Variants in COL26A1 observed in about 807,000 individuals in gnomAD.
The protein encoded by COL26A1 is collagen alpha-1(XXVI) chain.
In COL26A1, 41 loss-of-function variants were observed where a neutral mutation model predicts 59.3. The observed-to-expected ratio is 0.69, with a 90% CI of 0.54 to 0.90. The LOEUF is 0.90. COL26A1 is among the 40% of genes least tolerant of loss of function. COL26A1 has a pLI of 0.00. For synonymous variants in COL26A1, 266 were observed against 256.0 expected, an observed-to-expected ratio of 1.04 and a Z score of -0.37; for missense variants, 612 against 602.3, an observed-to-expected ratio of 1.02 and a Z score of -0.17.
intron 3 of COL26A1, among the ~76,000 whole-genome samples, chr7:101,451,645 A>G (rs910671944): frequency 1.5e-4 from 23 of 150,990 alleles, no homozygotes; most frequent in African/African-American, 5.6e-4. Context: ...GGTTGAGCCT[A>G]TGGGGTAGTA....
chr7:101,512,996 T>TTTATTATTATTA lies in COL26A1; in HGVS notation c.386-20071_386-20060dup, dbSNP rs60374143. Reference sequence around the variant, plus strand: ...CATTAAAAGCCTCCCTTTTTACAATTTTATTATTATTATTATTATTATTAT... The same window carrying TTTATTATTATTA: ...CATTAAAAGCCTCCCTTTTTACAATTTTATTATTATTATTATTATTATTATTATTATTATTAT... On this transcript the variant is annotated intron_variant, in intron 3 of 12. Transcript: ENST00000313669. Among the ~76,000 whole-genome samples, 66 of 149,500 alleles carry TTTATTATTATTA rather than the reference T, an allele frequency of 4.4e-4. 1 individual carries two copies. The highest frequency in any genetic ancestry group is 1.3e-3 in the Admixed American group (20 of 14,990).
chr7:101,464,848 A>G (rs1308025370), intron 3 of COL26A1, among the ~76,000 whole-genome samples: 1 of 151,790 alleles, frequency 6.6e-6, no homozygotes, highest in East Asian at 1.9e-4. Flanking sequence ...AGTAGGCGGG[A>G]CTACAGGTAC....
At chr7:101,389,652 T>G (rs1791675889) in intron 1 of COL26A1, among the ~76,000 whole-genome samples, 1 of 151,810 alleles carries the variant, frequency 6.6e-6, no homozygotes, top group African/African-American at 2.4e-5. Context: ...GCTACCCGGG[T>G]TCAAGAAATT....
At chr7:101,400,700 A>AG (rs1450730716) in intron 1 of COL26A1, among the ~76,000 whole-genome samples, 1 of 152,118 alleles carries the variant, frequency 6.6e-6, no homozygotes, top group Non-Finnish European at 1.5e-5. Context: ...CTGGGATTAC[A>AG]GGTGCACATC....
At chr7:101,405,162 G>T (rs34424660) in intron 1 of COL26A1, among the ~76,000 whole-genome samples, 27,702 of 151,814 alleles carry the variant, frequency 0.18, 2,876 homozygotes, top group Non-Finnish European at 0.23. Context: ...GGCAGAGCTT[G>T]CAGTGAGCTG....
intron 4 of COL26A1, among the ~76,000 whole-genome samples, chr7:101,537,019 G>C (rs1034600379): frequency 6.6e-6 from 1 of 152,200 alleles, no homozygotes; most frequent in Admixed American, 6.5e-5. Flanking sequence ...TGAGTACCTG[G>C]CCAAACAGAA....
chr7:101,401,723 G>A (rs1051400033), intron 1 of COL26A1, among the ~76,000 whole-genome samples: 1 of 149,562 alleles, frequency 6.7e-6, no homozygotes, highest in Non-Finnish European at 1.5e-5. Context: ...AGGAAGAGGA[G>A]GAGAAGGAAG....
intron 3 of COL26A1, among the ~76,000 whole-genome samples, chr7:101,493,171 G>A (rs1794503681): frequency 6.6e-6 from 1 of 152,156 alleles, no homozygotes; most frequent in Admixed American, 6.5e-5. Context: ...GCCAAAGTGT[G>A]TCTTTCCCCA....
chr7:101,431,044 C>G (rs1792767259), intron 2 of COL26A1, among the ~76,000 whole-genome samples: 1 of 151,632 alleles, frequency 6.6e-6, no homozygotes, highest in Non-Finnish European at 1.5e-5. Flanking sequence ...TCAAGTGATC[C>G]ACCTGCCTCA....
chr7:101,540,537 T>TAAA (rs369850957), intron 5 of COL26A1, among the ~76,000 whole-genome samples: 142 of 119,128 alleles, frequency 1.2e-3, no homozygotes, highest in African/African-American at 4.2e-3. Flanking sequence ...AAATTCCGTC[T>TAAA]AAAAAAAAAA....
chr7:101,430,901 C>T (rs1164672958), intron 2 of COL26A1, among the ~76,000 whole-genome samples: 1 of 152,002 alleles, frequency 6.6e-6, no homozygotes, highest in Admixed American at 6.6e-5. Context: ...TCAAGCAATT[C>T]TTCTGCCTCA....
chr7:101,475,942 CTTCT>C (rs1207551868), intron 3 of COL26A1, among the ~76,000 whole-genome samples: 1 of 133,220 alleles, frequency 7.5e-6, no homozygotes, highest in Non-Finnish European at 1.6e-5. Context: ...CTCTTTCTTT[CTTCT>C]TTCTTTTTTT....
intron 3 of COL26A1, among the ~76,000 whole-genome samples, chr7:101,532,292 C>T (rs1237570495): frequency 3.3e-5 from 5 of 152,096 alleles, no homozygotes; most frequent in African/African-American, 1.2e-4. Context: ...TGAGCATCTA[C>T]AAATGCAAAC....
At chr7:101,375,744 T>C (rs1286484311) in intron 1 of COL26A1, among the ~76,000 whole-genome samples, 1 of 150,744 alleles carries the variant, frequency 6.6e-6, no homozygotes, top group East Asian at 2.0e-4. Flanking sequence ...TCCCAGCACT[T>C]TGGGAGGCTG....
At chr7:101,543,894 G>T in intron 5 of COL26A1, 104 bp from the exon 6 acceptor site, 7 of 730,388 alleles carry the variant, frequency 9.6e-6, no homozygotes, top group Non-Finnish European at 1.6e-5. Context: ...AGGTAGGCAG[G>T]GCTCCTGGGG....
intron 2 of COL26A1, among the ~76,000 whole-genome samples, chr7:101,431,232 A>G (rs1792772320): frequency 6.6e-6 from 1 of 151,986 alleles, no homozygotes; most frequent in Non-Finnish European, 1.5e-5. Flanking sequence ...GATGATATTA[A>G]ATGTAAGGTT....
intron 9 of COL26A1, among the ~76,000 whole-genome samples, chr7:101,549,819 TG>T (rs1278465408): frequency 6.6e-6 from 1 of 152,200 alleles, no homozygotes; most frequent in African/African-American, 2.4e-5. Flanking sequence ...TGCCTGAGGT[TG>T]TACAGAGGGT....
At chr7:101,394,800 C>G (rs1447767412) in intron 1 of COL26A1, among the ~76,000 whole-genome samples, 1 of 151,186 alleles carries the variant, frequency 6.6e-6, no homozygotes. Flanking sequence ...GATGAGAAAG[C>G]AGGAGACCTC....
intron 2 of COL26A1, among the ~76,000 whole-genome samples, chr7:101,441,053 A>G (rs991074626): frequency 1.3e-5 from 2 of 152,078 alleles, no homozygotes; most frequent in African/African-American, 4.8e-5. Context: ...TTTCTGAATC[A>G]GGGGCCCGAG....
Sources: gnomAD v4.1 joint callset for allele counts (sites outside exome capture counted in the v4.1 genomes callset) on GRCh38, gnomAD v4.1.1 for gene constraint, MANE v1.5 for transcripts, NCBI Gene and HGNC (gene_info 2026-07-23, HGNC 2026-07-21) for gene names.